IFI16: variants seen among roughly 807,000 people sequenced by gnomAD.
IFI16 encodes the protein interferon gamma inducible protein 16, also known as gamma-interferon-inducible protein 16.
In IFI16, 49 loss-of-function variants were observed where a neutral mutation model predicts 68.4. The observed-to-expected ratio is 0.72, with a 90% CI of 0.57 to 0.91. The LOEUF is 0.91. IFI16 is among the 40% of genes least tolerant of loss of function. The pLI is 0.00. For missense variants in IFI16, 878 were observed against 942.9 expected (o/e 0.93, Z 0.90); for synonymous variants, 307 against 315.0 (o/e 0.97, Z 0.27).
intron 1 of IFI16, among the ~76,000 whole-genome samples, chr1:159,013,838 C>A (rs1311581633): frequency 6.6e-6 from 1 of 152,148 alleles, no homozygotes; most frequent in Non-Finnish European, 1.5e-5. Flanking sequence ...AAAAAAGATG[C>A]AGCTTATTCA....
upstream of IFI16, chr1:159,008,967 A>C (rs1030473282): frequency 2.6e-5 from 4 of 152,138 alleles, no homozygotes; most frequent in African/African-American, 9.7e-5. Context: ...TGCTGGGTTA[A>C]CACCACATCA....
At chr1:159,030,882 G>GGT (rs773700136) in intron 6 of IFI16, among the ~76,000 whole-genome samples, 2 of 145,042 alleles carry the variant, frequency 1.4e-5, no homozygotes, top group Admixed American at 6.9e-5. Flanking sequence ...TGGGTGGGGG[G>GGT]GCCACAGAGC....
At chr1:159,021,854 G>T (rs1438613024) in intron 6 of IFI16, among the ~76,000 whole-genome samples, 1 of 150,984 alleles carries the variant, frequency 6.6e-6, no homozygotes, top group Non-Finnish European at 1.5e-5. Context: ...GATCATTAGT[G>T]ATGTTGAGCG....
Position 159,016,595 on chromosome 1 carries a change from G to C in IFI16, c.444G>C (p.Gln148His). Residue 148 changes from glutamine to histidine, a missense_variant, in exon 4 of 12, where the codon CAG (glutamine) becomes CAC (histidine). By Grantham distance (24) the Gln-to-His change is conservative. Coordinates refer to ENST00000295809, the MANE Select transcript of IFI16 (RefSeq NM_001376587.1). ...GPKGSKVSEE[Q>H]TQPPSPAGAG... ...AAGGGAGTAAGGTGTCCGAGGAACA[G>C]ACTCAGCCTCCCTCTCCTGCAGGAG... 3 of 1,614,130 alleles carry C rather than the reference G, an allele frequency of 1.9e-6. No individual in the cohort carries two copies. Among genetic ancestry groups the C allele is most frequent in the Non-Finnish European group, 2.5e-6 (3 of 1,179,994 alleles).
In IFI16 at chr1:159,055,012, A is replaced by G; in HGVS notation, c.*111A>G. The G allele has an allele frequency of 2.1e-6, 1 of 484,642 alleles. No homozygotes were observed. The highest frequency in any genetic ancestry group is 3.8e-6 in the Non-Finnish European group (1 of 264,358). The allele number at this position is 484,642 out of a possible 1,614,324, so 30.0% of individuals were successfully genotyped here. A position where few individuals can be genotyped will look rare whatever the true frequency, so the allele number is the denominator to read the frequency against. On this transcript the variant is annotated 3_prime_UTR_variant, in exon 12 of 12. Coordinates refer to ENST00000295809, the MANE Select transcript of IFI16 (RefSeq NM_001376587.1). ...ACTATACATACACACCACCATATATACTAGCTGTTAATCCTATGGAATGGG... is the reference window on the plus strand; with the variant it reads ...ACTATACATACACACCACCATATATGCTAGCTGTTAATCCTATGGAATGGG...
rs757701063 is a variant in IFI16, at chr1:159,018,374, C to T, written c.695C>T (p.Thr232Ile). 5.0e-6 allele frequency: 8 copies of T among 1,614,152 alleles called. No homozygotes were observed. The highest frequency in any genetic ancestry group is 1.7e-5 in the Admixed American group (1 of 60,030). ...GAGAAAAAAATAATGTTTCATGCTA[C>T]AGTGGCTACACAGACACAGTTCTTC... ...EMEKKIMFHA[T>I]VATQTQFFHV... Residue 232 changes from threonine to isoleucine, a missense_variant, in exon 5 of 12, where the codon ACA becomes ATA. Thr to Ile is a moderately conservative substitution (Grantham distance 89). Coordinates refer to ENST00000295809, the MANE Select transcript of IFI16 (RefSeq NM_001376587.1).
chr1:159,034,867 T>C (rs764942043), intron 7 of IFI16, among the ~76,000 whole-genome samples: 1 of 152,204 alleles, frequency 6.6e-6, no homozygotes, highest in Non-Finnish European at 1.5e-5. Context: ...AGGAACAGAA[T>C]ACAAGAGGGG....
intron 5 of IFI16, 21 bp from the exon 6 acceptor site, chr1:159,020,320 A>G: frequency 6.4e-7 from 1 of 1,555,458 alleles, no homozygotes; most frequent in Admixed American, 1.8e-5. Flanking sequence ...TCAGGAACAG[A>G]ATATTAATTT....
At chr1:159,015,389 C>T (rs1407428760) in intron 2 of IFI16, among the ~76,000 whole-genome samples, 5 of 152,114 alleles carry the variant, frequency 3.3e-5, no homozygotes, top group Non-Finnish European at 5.9e-5. Context: ...GTGTGATCTC[C>T]TCTCTTGTTA....
At chr1:159,027,500 T>C (rs12139793) in intron 6 of IFI16, among the ~76,000 whole-genome samples, 46,781 of 151,764 alleles carry the variant, frequency 0.31, 9,652 homozygotes, top group African/African-American at 0.59. Flanking sequence ...TTGTTGTTGT[T>C]ATGTCCTTTC....
intron 7 of IFI16, among the ~76,000 whole-genome samples, chr1:159,040,189 CATGCATCACAG>C (rs1186525938): frequency 6.6e-6 from 1 of 152,038 alleles, no homozygotes; most frequent in Non-Finnish European, 1.5e-5. Context: ...GCTGCAGATG[CATGCATCACAG>C]ATGCATATGA....
rs375553156 is a variant in IFI16, at chr1:159,051,695, A to C, written c.1682A>C (p.Lys561Thr). 1.9e-6 allele frequency: 3 copies of C among 1,611,026 alleles called. No homozygotes were observed. The African/African-American group carries it at 4.0e-5, about 22-fold the overall frequency. Reference protein sequence around the residue: ...SFLTTLKPRLKTEPEEVSIED... With the variant: ...SFLTTLKPRLTTEPEEVSIED... ...CCTTCTAAGTTGAAACCAAGACTGAAGACTGAACCTGAAGAAGTTTCCATA... is the reference window on the plus strand; with the variant it reads ...CCTTCTAAGTTGAAACCAAGACTGACGACTGAACCTGAAGAAGTTTCCATA... The change falls in exon 10 of 12, where the codon AAG (lysine) becomes ACG (threonine). Residue 561 changes from lysine (K) to threonine (T), a missense_variant. Lys to Thr is a moderately conservative substitution (Grantham distance 78, BLOSUM62 -1). Coordinates refer to ENST00000295809, the MANE Select transcript of IFI16 (RefSeq NM_001376587.1).
Position 159,020,428 on chromosome 1 carries a change from AT to A in IFI16, c.1061del (p.Ile354ThrfsTer25), listed in dbSNP as rs745565983. On this transcript the variant is annotated frameshift_variant, in exon 6 of 12. Coordinates refer to ENST00000295809, the MANE Select transcript of IFI16 (RefSeq NM_001376587.1). LOFTEE classifies it high-confidence loss of function. ...DVVGTGQCHN[I>X]PCEEGDKLQL... ...AGTGGGGACAGGACAATGTCACAAT[AT>A]CCCCTGTGAAGAAGGAGATAAGCTC... 1.2e-5 allele frequency: 20 copies of A among 1,611,266 alleles called. No homozygotes were observed. The highest frequency in any genetic ancestry group is 1.7e-5 in the Non-Finnish European group (20 of 1,177,500).
Position 159,016,589 on chromosome 1 carries a change from G to A in IFI16, c.438G>A (p.Glu146=). Residue 146 remains glutamate (E), a synonymous_variant, in exon 4 of 12, where the codon GAG becomes GAA. Transcript: ENST00000295809. ...KAGPKGSKVS[E]EQTQPPSPAG... is the part of the protein sequence containing the mutation. ...GACCCAAAGGGAGTAAGGTGTCCGA[G>A]GAACAGACTCAGCCTCCCTCTCCTG... The A allele has an allele frequency of 6.2e-7, 1 of 1,614,138 alleles. No individual in the cohort carries two copies. The highest frequency in any genetic ancestry group is 1.6e-4 in the Middle Eastern group (1 of 6,062).
intron 8 of IFI16, among the ~76,000 whole-genome samples, chr1:159,047,186 C>A (rs1311418717): frequency 1.3e-5 from 2 of 151,274 alleles, no homozygotes; most frequent in Admixed American, 6.6e-5. Flanking sequence ...TACCCCCGGC[C>A]CAGGTTGCGG....
At chr1:159,043,133 T>C (rs1458215162) in intron 7 of IFI16, among the ~76,000 whole-genome samples, 2 of 152,208 alleles carry the variant, frequency 1.3e-5, no homozygotes, top group Non-Finnish European at 2.9e-5. Context: ...GTTATTAATT[T>C]CAAGATTTCA....
chr1:159,000,196 T>C, exon 1 of IFI16: 2 of 242,000 alleles, frequency 8.3e-6, no homozygotes, highest in East Asian at 1.8e-4. Flanking sequence ...GAGTATGCAG[T>C]TTGCCTGTGG....
upstream of IFI16, among the ~76,000 whole-genome samples, chr1:159,004,840 G>T (rs550256806): frequency 1.4e-4 from 22 of 152,144 alleles, no homozygotes; most frequent in Non-Finnish European, 2.5e-4. Flanking sequence ...ACAGAGTAAA[G>T]AAATTATCAA....
chr1:159,009,954 GCTAA>G lies in IFI16; in HGVS notation c.-223_-220del, dbSNP rs1326061670. 1 of 152,166 alleles carries G rather than the reference GCTAA, an allele frequency of 6.6e-6. No homozygotes were observed. Among genetic ancestry groups the G allele is most frequent in the South Asian group, 2.1e-4 (1 of 4,828 alleles). 9.4% of individuals were successfully genotyped at this position (152,166 alleles called of 1,614,324 possible). ...AATAGGAGCAAGCCAGCACTAGTCA[GCTAA>G]CTAAGTGACTCAACCAAGGCCTTTT... is the stretch of plus-strand genomic sequence containing the variant. On this transcript the variant is annotated 5_prime_UTR_variant, in exon 1 of 12. Transcript: ENST00000295809.
Sources: allele counts gnomAD v4.1 joint callset (sites outside exome capture counted in the v4.1 genomes callset), GRCh38; gene constraint gnomAD v4.1.1; transcripts MANE v1.5; gene names NCBI Gene and HGNC (gene_info 2026-07-23, HGNC 2026-07-21).